The following PTPRK variants were observed in gnomAD, a reference collection of about 807,000 sequenced individuals.
The protein encoded by PTPRK is receptor-type tyrosine-protein phosphatase kappa.
A neutral mutation model predicts 178.0 loss-of-function variants in PTPRK; 75 were observed. The observed-to-expected ratio is 0.42, with a 90% CI of 0.35 to 0.51. PTPRK has a LOEUF of 0.51. Ranked by LOEUF, PTPRK falls within the 20% of genes least tolerant of loss-of-function variation. The probability of loss-of-function intolerance (pLI) is 0.02; values close to 1 mark genes in which losing one functional copy is unlikely to be tolerated. For synonymous variants in PTPRK, 637 were observed against 620.6 expected (o/e 1.03, Z -0.39); for missense variants, 1,441 against 1,797.8 (o/e 0.80, Z 3.59).
intron 13 of PTPRK, among the ~76,000 whole-genome samples, chr6:128,022,516 G>T (rs1433244168): frequency 1.3e-5 from 2 of 152,108 alleles, no homozygotes; most frequent in Non-Finnish European, 2.9e-5. Flanking sequence ...TATTCCATGA[G>T]AGTTTTGAAT....
chr6:128,305,157 G>T (rs17055596), intron 3 of PTPRK, among the ~76,000 whole-genome samples: 13,176 of 152,134 alleles, frequency 0.087, 689 homozygotes, highest in African/African-American at 0.14. Context: ...AAGAATTCCC[G>T]TTTCAAAGTC....
chr6:128,109,254 AAATT>A (rs1290614216), intron 7 of PTPRK, among the ~76,000 whole-genome samples: 7 of 152,112 alleles, frequency 4.6e-5, no homozygotes, highest in African/African-American at 1.7e-4. Context: ...TTGAAATGTA[AAATT>A]AATTATGATT....
At chr6:128,360,725 A>C (rs1418760613) in intron 2 of PTPRK, among the ~76,000 whole-genome samples, 2 of 152,162 alleles carry the variant, frequency 1.3e-5, no homozygotes, top group African/African-American at 4.8e-5. Flanking sequence ...ATATGCTTTT[A>C]AATAAACATT....
At chr6:128,274,792 A>T (rs930338017) in intron 3 of PTPRK, among the ~76,000 whole-genome samples, 3 of 152,050 alleles carry the variant, frequency 2.0e-5, no homozygotes, top group African/African-American at 7.2e-5. Context: ...GCTAAAATTA[A>T]TGTCTGTTTG....
intron 18 of PTPRK, among the ~76,000 whole-genome samples, chr6:127,992,967 A>AC (rs1210690987): frequency 6.6e-6 from 1 of 151,792 alleles, no homozygotes. Context: ...GAATAACCTC[A>AC]TAGATTTTGT....
At chr6:128,099,069 T>C (rs911266672) in intron 7 of PTPRK, among the ~76,000 whole-genome samples, 69 of 151,916 alleles carry the variant, frequency 4.5e-4, no homozygotes, top group African/African-American at 1.6e-3. Context: ...AATATAACAT[T>C]GATTAAATTT....
chr6:128,159,892 T>G (rs1316343868), intron 7 of PTPRK, among the ~76,000 whole-genome samples: 2 of 151,702 alleles, frequency 1.3e-5, no homozygotes, highest in Non-Finnish European at 2.9e-5. Context: ...TATATTTGGA[T>G]AAACAAAAAA....
chr6:128,033,037 T>C (rs960266542), intron 13 of PTPRK, among the ~76,000 whole-genome samples: 10 of 152,174 alleles, frequency 6.6e-5, no homozygotes, highest in Non-Finnish European at 1.5e-4. Context: ...GAATAGCTGA[T>C]AGGAAGGTAG....
At chr6:128,102,615 C>T (rs926122341) in intron 7 of PTPRK, among the ~76,000 whole-genome samples, 2 of 152,146 alleles carry the variant, frequency 1.3e-5, no homozygotes, top group African/African-American at 4.8e-5. Flanking sequence ...CTACTATATC[C>T]ATTCATCCCA....
chr6:128,432,855 T>C (rs1845018265), intron 1 of PTPRK, among the ~76,000 whole-genome samples: 1 of 152,176 alleles, frequency 6.6e-6, no homozygotes, highest in Admixed American at 6.5e-5. Flanking sequence ...ATTTTAAATT[T>C]TATTTCCTTA....
chr6:128,173,750 T>C (rs953359499), intron 7 of PTPRK, among the ~76,000 whole-genome samples: 9 of 152,114 alleles, frequency 5.9e-5, no homozygotes, highest in African/African-American at 1.9e-4. Flanking sequence ...GTCTCCTCAT[T>C]GGAATTCTTA....
At chr6:128,375,736 G>A (rs973710130) in intron 2 of PTPRK, among the ~76,000 whole-genome samples, 1 of 152,186 alleles carries the variant, frequency 6.6e-6, no homozygotes, top group African/African-American at 2.4e-5. Context: ...CTGTGAGCCT[G>A]TAAAATCAAA....
At chr6:128,126,040 C>A (rs575730015) in intron 7 of PTPRK, among the ~76,000 whole-genome samples, 3 of 151,436 alleles carry the variant, frequency 2.0e-5, no homozygotes, top group Admixed American at 6.6e-5. Flanking sequence ...TAGCTAATTT[C>A]TTTTTTTGCT....
At chr6:128,415,421 T>C (rs1842738723) in intron 1 of PTPRK, among the ~76,000 whole-genome samples, 1 of 151,976 alleles carries the variant, frequency 6.6e-6, no homozygotes, top group Non-Finnish European at 1.5e-5. Context: ...AATGAATAAG[T>C]TAGCTATTAT....
intron 2 of PTPRK, among the ~76,000 whole-genome samples, chr6:128,322,667 A>AATATATATAT (rs10651820): frequency 1.4e-5 from 2 of 143,722 alleles, no homozygotes; most frequent in African/African-American, 5.4e-5. Flanking sequence ...CTTTTAATAT[A>AATATATATAT]ATATATATAT....
Position 127,976,975 on chromosome 6 carries a change from T to C in PTPRK, c.3791A>G (p.Tyr1264Cys). Reference protein sequence around the residue: ...NTVKDFWRLVYDYGCTSIVML... With the variant: ...NTVKDFWRLVCDYGCTSIVML... ...CACAATGGAGGTACAGCCATAATCATACACTAATCTCCAGAAGTCTTTTAC... is the reference window on the plus strand; with the variant it reads ...CACAATGGAGGTACAGCCATAATCACACACTAATCTCCAGAAGTCTTTTAC... Residue 1264 changes from tyrosine to cysteine, a missense_variant, in exon 26 of 30, where the codon TAT (tyrosine) becomes TGT (cysteine). Tyr to Cys is a radical substitution (Grantham distance 194). Coordinates refer to ENST00000368226, the MANE Select transcript of PTPRK (RefSeq NM_002844.4). 8 of 1,614,134 alleles carry C rather than the reference T, an allele frequency of 5.0e-6. No individual in the cohort carries two copies. The highest frequency in any genetic ancestry group is 4.4e-5 in the South Asian group (4 of 91,082).
intron 2 of PTPRK, among the ~76,000 whole-genome samples, chr6:128,334,725 T>A (rs1830684503): frequency 6.6e-6 from 1 of 152,146 alleles, no homozygotes; most frequent in Non-Finnish European, 1.5e-5. Context: ...TAAAAGACAC[T>A]TCATGAAATA....
chr6:128,029,178 G>C (rs1013934828), intron 13 of PTPRK, among the ~76,000 whole-genome samples: 3 of 152,128 alleles, frequency 2.0e-5, no homozygotes, highest in Middle Eastern at 3.4e-3. Context: ...TGTGAGATCT[G>C]GTTGTTTAAA....
At chr6:128,407,156 C>T (rs1841751965) in intron 1 of PTPRK, among the ~76,000 whole-genome samples, 1 of 152,162 alleles carries the variant, frequency 6.6e-6, no homozygotes. Flanking sequence ...TTTAAGTCAT[C>T]ATTAGTTAGT....
Sources: allele counts gnomAD v4.1 joint callset (sites outside exome capture counted in the v4.1 genomes callset), GRCh38; gene constraint gnomAD v4.1.1; transcripts MANE v1.5; gene names NCBI Gene and HGNC (gene_info 2026-07-23, HGNC 2026-07-21).